The following CC2D2A variants were observed in gnomAD, a reference collection of about 807,000 sequenced individuals.
CC2D2A encodes the protein coiled-coil and C2 domain containing 2A.
Under a neutral mutation model 212.9 loss-of-function variants are expected in CC2D2A, and 155 were observed. The ratio of observed to expected loss-of-function variants is 0.73; its 90% CI spans 0.64 to 0.83. The LOEUF is 0.83. CC2D2A is among the 40% of genes least tolerant of loss of function. The pLI, the probability that CC2D2A is intolerant of heterozygous loss-of-function variation, is 0.00. For missense variants in CC2D2A, 1,856 were observed against 1,956.2 expected, an observed-to-expected ratio of 0.95 and a Z score of 0.97; for synonymous variants, 667 against 686.5, an observed-to-expected ratio of 0.97 and a Z score of 0.44.
At chr4:15,580,213 T>C (rs1720601135) in intron 30 of CC2D2A, 42 bp downstream of exon 30, 1 of 1,449,354 alleles carries the variant, frequency 6.9e-7, no homozygotes, top group Non-Finnish European at 9.6e-7. Flanking sequence ...TAAAACTGTT[T>C]TCACATTTCA....
In CC2D2A at chr4:15,601,420, A is replaced by G; in HGVS notation, c.4858A>G (p.Arg1620Gly). 2 of 1,470,200 alleles carry G rather than the reference A, an allele frequency of 1.4e-6. No homozygotes were observed. Among genetic ancestry groups the G allele is most frequent in the Non-Finnish European group, 1.8e-6 (2 of 1,105,870 alleles). The allele number at this position is 1,470,200 out of a possible 1,614,324, so 91.1% of individuals were successfully genotyped here. A position where few individuals can be genotyped will look rare whatever the true frequency, so the allele number is the denominator to read the frequency against. The change falls in exon 37 of 37, where the codon AGG becomes GGG. Residue 1620 changes from arginine to glycine, a missense_variant. Arg to Gly is a moderately radical substitution (Grantham distance 125). This residue lies in a region of CC2D2A where 285 missense variants were observed against 278.4 expected (regional missense o/e 1.02). Transcript: ENST00000424120. The part of the protein sequence containing the change: ...WIYVASLIRN[R>G] ...CTATGTTGCCTCTCTTATACGCAAC[A>G]GGTAATTTTTTTCACTGTACTTTCT...
At chr4:15,586,068 T>C (rs1007718570) in intron 30 of CC2D2A, 89 bp from the exon 31 acceptor site, 1 of 861,928 alleles carries the variant, frequency 1.2e-6, no homozygotes, top group Admixed American at 1.9e-5. Flanking sequence ...TAAATGTTTG[T>C]AATATTTGAG....
chr4:15,525,473 TAA>T (rs771575064), intron 11 of CC2D2A, among the ~76,000 whole-genome samples: 13,753 of 152,204 alleles, frequency 0.09, 777 homozygotes, highest in Non-Finnish European at 0.12. Context: ...GATTAAAAAC[TAA>T]TAATACTAAT....
At position 15,570,387 on chromosome 4, in the gene CC2D2A, C is replaced by G. The variant is rs1001192465; in HGVS notation, c.3496-11C>G. The G allele has an allele frequency of 1.9e-6, 3 of 1,540,292 alleles. No individual in the cohort carries two copies. In the African/African-American group the frequency reaches 4.1e-5, roughly 21 times the overall value. On this transcript the variant is annotated splice_polypyrimidine_tract_variant and intron_variant, in intron 27 of 36. Transcript: ENST00000424120. ...TTCTTAAGCAATTATTACTTCCCACCCTTCCTTTAGGATGACCGTGAAAGA... is the reference window on the plus strand; with the variant it reads ...TTCTTAAGCAATTATTACTTCCCACGCTTCCTTTAGGATGACCGTGAAAGA...
At chr4:15,570,346 A>T (rs1297932464) in intron 27 of CC2D2A, 52 bp from the exon 28 acceptor site, 2 of 1,131,746 alleles carry the variant, frequency 1.8e-6, no homozygotes, top group Non-Finnish European at 1.3e-6. Context: ...CAGATTAATT[A>T]AATGAGTTTC....
intron 24 of CC2D2A, among the ~76,000 whole-genome samples, chr4:15,564,574 G>C (rs1719795540): frequency 6.6e-6 from 1 of 152,198 alleles, no homozygotes; most frequent in Non-Finnish European, 1.5e-5. Flanking sequence ...AGCCCTAACT[G>C]TTTCCTTGGA....
intron 8 of CC2D2A, chr4:15,511,806 C>T (rs1716584728): frequency 6.5e-6 from 1 of 153,476 alleles, no homozygotes; most frequent in African/African-American, 2.4e-5. Flanking sequence ...AAGTAAGCAG[C>T]ATTTTGTGCC....
intron 6 of CC2D2A, among the ~76,000 whole-genome samples, chr4:15,504,835 A>T (rs1160068893): frequency 6.6e-6 from 1 of 152,226 alleles, no homozygotes; most frequent in African/African-American, 2.4e-5. Context: ...TTCTTCATGT[A>T]TATACCTCAA....
chr4:15,596,095 A>C lies in CC2D2A; in HGVS notation c.4325A>C (p.Asn1442Thr). The change falls in exon 34 of 37, where the codon AAT (asparagine) becomes ACT (threonine). Residue 1442 changes from asparagine to threonine, a missense_variant. Physicochemically the swap from Asn to Thr is moderately conservative, Grantham distance 65. Coordinates refer to ENST00000424120, the MANE Select transcript of CC2D2A (RefSeq NM_001378615.1). Reference sequence around the variant, plus strand: ...TCTTGTCTTTCTTAGATTTGGTTTAATATTCAACGATATGAATCTCCACTA... The same window carrying C: ...TCTTGTCTTTCTTAGATTTGGTTTACTATTCAACGATATGAATCTCCACTA... Reference protein sequence around the residue: ...CLIGPDNIWFNIQRYESPLRI... With the variant: ...CLIGPDNIWFTIQRYESPLRI... 6.5e-7 allele frequency: 1 copy of C among 1,547,070 alleles called. No individual in the cohort carries two copies. Among genetic ancestry groups the C allele is most frequent in the Non-Finnish European group, 8.7e-7 (1 of 1,144,742 alleles).
chr4:15,570,284 T>G, intron 27 of CC2D2A, 114 bp from the exon 28 acceptor site: 1 of 619,310 alleles, frequency 1.6e-6, no homozygotes. Context: ...ATTAGGTCTA[T>G]CTAATATAAG....
At position 15,569,309 on chromosome 4, in the gene CC2D2A, T is replaced by TATA; in HGVS notation, c.3416_3418dup (p.Tyr1139_Ser1140insAsn). 1 of 1,578,280 alleles carries TATA rather than the reference T, an allele frequency of 6.3e-7. No homozygotes were observed. Among genetic ancestry groups the TATA allele is most frequent in the Non-Finnish European group, 8.6e-7 (1 of 1,159,908 alleles). ...GTCTTGCAGGGCTCCTAATGGAGATTATAGCACAGCCAGTCTGCAGTCAGT... is the reference window on the plus strand; with the variant it reads ...GTCTTGCAGGGCTCCTAATGGAGATTATAATAGCACAGCCAGTCTGCAGTCAGT... On this transcript the variant is annotated inframe_insertion, in exon 27 of 37. Transcript: ENST00000424120.
At position 15,528,725 on chromosome 4, in the gene CC2D2A, C is replaced by T. The variant is rs145678228; in HGVS notation, c.1465C>T (p.Arg489Ter). The T allele has an allele frequency of 8.2e-6, 13 of 1,594,878 alleles. No homozygotes were observed. Among genetic ancestry groups the T allele is most frequent in the East Asian group, 6.8e-5 (3 of 44,434 alleles). ...CATCAATGAGTATAAATCTGAAATT[C>T]GGTGAGTAAAGTTTGTTAAGTGTAA... ...KTINEYKSEI[R>*]QTRKFRDAEQ... The change falls in exon 13 of 37, where the codon CGA (arginine) becomes TGA (stop). Residue 489 changes from arginine to a stop codon, truncating the protein, a stop_gained and splice_region_variant. Coordinates refer to ENST00000424120, the MANE Select transcript of CC2D2A (RefSeq NM_001378615.1). LOFTEE classifies it high-confidence loss of function.
At chr4:15,578,472 T>TA (rs761285007) in intron 29 of CC2D2A, among the ~76,000 whole-genome samples, 8 of 152,228 alleles carry the variant, frequency 5.3e-5, no homozygotes, top group Non-Finnish European at 1.0e-4. Context: ...ACTCATTTGT[T>TA]AAATACTTAC....
chr4:15,534,962 T>G (rs1033571959), intron 14 of CC2D2A, among the ~76,000 whole-genome samples: 5 of 151,560 alleles, frequency 3.3e-5, no homozygotes, highest in African/African-American at 1.2e-4. Flanking sequence ...CAGCCAAAGA[T>G]AGCTGCAAAT....
At chr4:15,486,567 A>C (rs1338550780) in intron 4 of CC2D2A, among the ~76,000 whole-genome samples, 1 of 151,690 alleles carries the variant, frequency 6.6e-6, no homozygotes, top group Non-Finnish European at 1.5e-5. Context: ...AATCTGGCTA[A>C]AGTTTTGTCA....
At chr4:15,548,750 G>A (rs1718838736) in intron 17 of CC2D2A, among the ~76,000 whole-genome samples, 1 of 152,140 alleles carries the variant, frequency 6.6e-6, no homozygotes, top group Non-Finnish European at 1.5e-5. Flanking sequence ...TAGAATTATA[G>A]GCTCTTAAGA....
chr4:15,557,610 C>A, intron 21 of CC2D2A, 103 bp downstream of exon 21: 1 of 661,294 alleles, frequency 1.5e-6, no homozygotes, highest in Non-Finnish European at 2.4e-6. Flanking sequence ...TTGTCACTAG[C>A]AATAGCGGTT....
chr4:15,500,107 G>GTGTATA (rs1479141284), intron 4 of CC2D2A, among the ~76,000 whole-genome samples: 2 of 112,948 alleles, frequency 1.8e-5, no homozygotes, highest in African/African-American at 7.3e-5. Context: ...GTGTGTGTGT[G>GTGTATA]TATATATATA....
At chr4:15,510,388 G>A (rs1716505331) in intron 7 of CC2D2A, 148 bp downstream of exon 7, 3 of 664,698 alleles carry the variant, frequency 4.5e-6, no homozygotes, top group African/African-American at 1.9e-5. Flanking sequence ...TTGAGCACAG[G>A]AGTTCAAGAC....
Sources: allele counts gnomAD v4.1 joint callset (sites outside exome capture counted in the v4.1 genomes callset), GRCh38; gene constraint gnomAD v4.1.1; regional missense constraint gnomAD v4.1.1; transcripts MANE v1.5; gene names NCBI Gene and HGNC (gene_info 2026-07-23, HGNC 2026-07-21).